The following EPN2 variants were observed in gnomAD, a reference collection of about 807,000 sequenced individuals.
EPN2 encodes epsin 2.
A neutral mutation model predicts 61.7 loss-of-function variants in EPN2; 34 were observed. The observed-to-expected ratio is 0.55, with a 90% CI of 0.42 to 0.73. The LOEUF (loss-of-function observed/expected upper bound fraction) is 0.73, where lower values mean the gene tolerates loss of function less well. Among genes scored for constraint, EPN2 ranks in the 30% least tolerant of loss-of-function variants. EPN2 has a pLI of 0.00. For synonymous variants in EPN2, 349 were observed against 353.6 expected (o/e 0.99, Z 0.15); for missense variants, 714 against 839.2 (o/e 0.85, Z 1.84).
intron 1 of EPN2, among the ~76,000 whole-genome samples, chr17:19,244,902 A>C (rs1184377033): frequency 6.6e-6 from 1 of 152,088 alleles, no homozygotes; most frequent in African/African-American, 2.4e-5. Context: ...ATTTGCTGCC[A>C]CCTGTGTCAA....
chr17:19,294,080 A>G (rs1598001393), intron 4 of EPN2, among the ~76,000 whole-genome samples: 3 of 150,558 alleles, frequency 2.0e-5, no homozygotes, highest in African/African-American at 7.3e-5. Context: ...ACAGAGCAAG[A>G]CTCTGTCTTT....
intron 9 of EPN2, among the ~76,000 whole-genome samples, chr17:19,330,994 TTTG>T (rs1409710740): frequency 3.3e-5 from 5 of 152,182 alleles, no homozygotes; most frequent in African/African-American, 9.7e-5. Context: ...TTATTGGTGT[TTTG>T]TTTTTTTGTT....
chr17:19,314,981 G>A (rs1325521391), intron 7 of EPN2, among the ~76,000 whole-genome samples: 3 of 152,240 alleles, frequency 2.0e-5, no homozygotes, highest in African/African-American at 7.2e-5. Context: ...TCGGATAGTT[G>A]TCTTAGTGCC....
intron 4 of EPN2, among the ~76,000 whole-genome samples, chr17:19,286,219 T>G (rs922061259): frequency 6.6e-6 from 1 of 152,196 alleles, no homozygotes; most frequent in Non-Finnish European, 1.5e-5. Flanking sequence ...TCAGTGATGG[T>G]CATTGGAAGC....
In EPN2 at chr17:19,335,864, T is replaced by G. The variant is rs944009815; in HGVS notation, c.*1610T>G. ...CGTGCATTAAAGACCAGAAAAGACT[T>G]GCTTTTACCCAGGGAGGGGACATTC... is the stretch of plus-strand genomic sequence containing the variant. On this transcript the variant is annotated 3_prime_UTR_variant, in exon 11 of 11. Coordinates refer to ENST00000314728, the MANE Select transcript of EPN2 (RefSeq NM_014964.5). 1 of 157,646 alleles carries G rather than the reference T, an allele frequency of 6.3e-6. No individual in the cohort carries two copies. Among genetic ancestry groups the G allele is most frequent in the Non-Finnish European group, 1.4e-5 (1 of 71,684 alleles). The allele number at this position is 157,646 out of a possible 1,614,324, so 9.8% of individuals were successfully genotyped here. A position where few individuals can be genotyped will look rare whatever the true frequency, so the allele number is the denominator to read the frequency against.
intron 1 of EPN2, among the ~76,000 whole-genome samples, chr17:19,267,171 A>G (rs2152210524): frequency 6.6e-6 from 1 of 151,984 alleles, no homozygotes; most frequent in South Asian, 2.1e-4. Flanking sequence ...TTTGTGTGAA[A>G]TGTCCAGAAT....
chr17:19,325,399 C>A, intron 7 of EPN2, among the ~76,000 whole-genome samples: 1 of 152,290 alleles, frequency 6.6e-6, no homozygotes, highest in East Asian at 1.9e-4. Flanking sequence ...CAAAGATGTA[C>A]ATTATGAAGT....
At chr17:19,270,941 C>G (rs2045246845) in intron 1 of EPN2, among the ~76,000 whole-genome samples, 1 of 152,188 alleles carries the variant, frequency 6.6e-6, no homozygotes, top group Non-Finnish European at 1.5e-5. Flanking sequence ...ACAGCACTTG[C>G]CCTTTAACTC....
chr17:19,260,382 A>C (rs982395607), intron 1 of EPN2, among the ~76,000 whole-genome samples: 1 of 152,116 alleles, frequency 6.6e-6, no homozygotes, highest in Non-Finnish European at 1.5e-5. Flanking sequence ...TCCAAATGTG[A>C]AGCTGGAGGG....
intron 4 of EPN2, among the ~76,000 whole-genome samples, chr17:19,298,725 G>A (rs1006125026): frequency 6.6e-6 from 1 of 152,196 alleles, no homozygotes; most frequent in Non-Finnish European, 1.5e-5. Flanking sequence ...ACTTGGAGAA[G>A]TTGTAACTTG....
chr17:19,250,036 C>T (rs8065401), intron 1 of EPN2, among the ~76,000 whole-genome samples: 4,768 of 152,024 alleles, frequency 0.031, 253 homozygotes, highest in African/African-American at 0.11. Flanking sequence ...CTTGTGATTA[C>T]GTTGGGCACA....
chr17:19,312,043 C>G lies in EPN2; in HGVS notation c.880-9C>G. The G allele has an allele frequency of 6.3e-7, 1 of 1,598,762 alleles. No individual in the cohort carries two copies. The highest frequency in any genetic ancestry group is 8.6e-7 in the Non-Finnish European group (1 of 1,166,030). On this transcript the variant is annotated splice_polypyrimidine_tract_variant and intron_variant, in intron 5 of 10. Transcript: ENST00000314728. ...ATTACAATTACCAGTTTGCATTGTC[C>G]CTCTACAGGAAGAACGCCTCAGGCG...
At chr17:19,304,459 A>G (rs1905723141) in intron 4 of EPN2, among the ~76,000 whole-genome samples, 1 of 152,238 alleles carries the variant, frequency 6.6e-6, no homozygotes, top group Admixed American at 6.5e-5. Context: ...AGGTCAGCCC[A>G]GCAGAAAGCA....
rs1387925570 is a variant in EPN2 at position 19,292,820 on chromosome 17, A to G, written c.766+7030A>G. Among the ~76,000 whole-genome samples, 3 of 152,234 alleles carry G rather than the reference A, an allele frequency of 2.0e-5. No homozygotes were observed. The East Asian group carries it at 5.8e-4, about 29-fold the overall frequency. On this transcript the variant is annotated intron_variant, in intron 4 of 10. Transcript: ENST00000314728. ...GTCCATTTGCTTCTCACAGTTGTCT[A>G]GAAGGTAGGCAGGGCAGATGAGGTT...
rs1044037301 is a variant in EPN2, at chr17:19,336,669, T to C, written c.*2415T>C. Reference sequence around the variant, plus strand: ...GCTGGTTTTGAACTTGTGTTGACTGTTGATACTTATTTACTGTATAAATAT... The same window carrying C: ...GCTGGTTTTGAACTTGTGTTGACTGCTGATACTTATTTACTGTATAAATAT... On this transcript the variant is annotated 3_prime_UTR_variant, in exon 11 of 11. Transcript: ENST00000314728. The C allele has an allele frequency of 2.0e-5, 3 of 152,650 alleles. No homozygotes were observed. Among genetic ancestry groups the C allele is most frequent in the African/African-American group, 7.2e-5 (3 of 41,468 alleles). The allele number at this position is 152,650 out of a possible 1,614,324, so 9.5% of individuals were successfully genotyped here.
chr17:19,288,401 C>T (rs1376717183), intron 4 of EPN2, among the ~76,000 whole-genome samples: 1 of 152,134 alleles, frequency 6.6e-6, no homozygotes, highest in Non-Finnish European at 1.5e-5. Context: ...ATGTAATGAG[C>T]GCTCTGGAAA....
At chr17:19,333,531 T>A (rs1907257240) in intron 10 of EPN2, among the ~76,000 whole-genome samples, 1 of 152,158 alleles carries the variant, frequency 6.6e-6, no homozygotes, top group Admixed American at 6.5e-5. Context: ...CGCGGTGTCA[T>A]ATGTGGATCC....
Position 19,334,774 on chromosome 17 carries a change from T to C in EPN2, c.*520T>C, listed in dbSNP as rs1266273169. On this transcript the variant is annotated 3_prime_UTR_variant, in exon 11 of 11. Coordinates refer to ENST00000314728, the MANE Select transcript of EPN2 (RefSeq NM_014964.5). The surrounding 1 kb of genome is among the most constrained non-coding windows in gnomAD (Gnocchi z 4.9). ...AGTAAACACCACCACCGTGGACAAC[T>C]CTTGAATTAAATCCACTAGAGCGAG... 6.5e-6 allele frequency: 1 copy of C among 153,220 alleles called. No individual in the cohort carries two copies. Among genetic ancestry groups the C allele is most frequent in the African/African-American group, 2.4e-5 (1 of 41,470 alleles). The allele number at this position is 153,220 out of a possible 1,614,324, so 9.5% of individuals were successfully genotyped here.
chr17:19,249,790 C>T (rs772353447), intron 1 of EPN2, among the ~76,000 whole-genome samples: 21 of 152,102 alleles, frequency 1.4e-4, no homozygotes, highest in Non-Finnish European at 2.4e-4. Flanking sequence ...GTTGTATAGG[C>T]GGGAAGTCCG....
Sources: allele counts gnomAD v4.1 joint callset (sites outside exome capture counted in the v4.1 genomes callset), GRCh38; gene constraint gnomAD v4.1.1; non-coding constraint Gnocchi (gnomAD v3.1); transcripts MANE v1.5; gene names NCBI Gene and HGNC (gene_info 2026-07-23, HGNC 2026-07-21).